NRG2: variants seen among roughly 807,000 people sequenced by gnomAD.
NRG2 encodes the protein pro-neuregulin-2, membrane-bound isoform.
NRG2 carries 27 observed loss-of-function variants against 73.9 expected under a neutral mutation model. The ratio of observed to expected loss-of-function variants is 0.37; its 90% confidence interval spans 0.27 to 0.50. The LOEUF (loss-of-function observed/expected upper bound fraction) is 0.50, where lower values mean the gene tolerates loss of function less well. Among genes scored for constraint, NRG2 ranks in the 20% least tolerant of loss-of-function variants. The pLI is 0.96. For missense variants in NRG2, 1,126 were observed against 1,210.1 expected (o/e 0.93, Z 1.03); for synonymous variants, 532 against 541.0 (o/e 0.98, Z 0.23).
intron 1 of NRG2, among the ~76,000 whole-genome samples, chr5:140,031,143 A>G (rs1291299156): frequency 6.6e-6 from 1 of 152,184 alleles, no homozygotes; most frequent in East Asian, 1.9e-4. Context: ...GGAATTTTAT[A>G]CCAAAAATTT....
intron 1 of NRG2, among the ~76,000 whole-genome samples, chr5:139,895,334 C>T (rs114355682): frequency 0.022 from 3,290 of 152,362 alleles, 122 homozygotes; most frequent in African/African-American, 0.074. Context: ...GGGATACAGG[C>T]ACACGAGTAG....
At chr5:139,871,640 C>G (rs371680825) in intron 4 of NRG2, 81 bp downstream of exon 4, 11 of 1,572,658 alleles carry the variant, frequency 7.0e-6, no homozygotes, top group African/African-American at 5.4e-5. Context: ...TTGGAACCCT[C>G]TTTTCCTAGA....
intron 1 of NRG2, among the ~76,000 whole-genome samples, chr5:139,950,485 C>A (rs1256554210): frequency 6.6e-6 from 1 of 152,188 alleles, no homozygotes; most frequent in African/African-American, 2.4e-5. Flanking sequence ...ATTTCCACTT[C>A]TTTAGGAAGG....
chr5:140,025,613 C>T (rs1301945776), intron 1 of NRG2, among the ~76,000 whole-genome samples: 2 of 152,248 alleles, frequency 1.3e-5, no homozygotes, highest in African/African-American at 2.4e-5. Flanking sequence ...AGAGATTTGG[C>T]TTTTTTTCTA....
intron 1 of NRG2, among the ~76,000 whole-genome samples, chr5:139,981,034 G>GC (rs2126560793): frequency 6.6e-6 from 1 of 152,294 alleles, no homozygotes; most frequent in East Asian, 1.9e-4. Context: ...GTTGGGAAAA[G>GC]CATCAACAGT....
intron 9 of NRG2, among the ~76,000 whole-genome samples, chr5:139,850,908 G>A (rs556824787): frequency 6.6e-6 from 1 of 151,826 alleles, no homozygotes; most frequent in South Asian, 2.1e-4. Flanking sequence ...CTCCTTCTTC[G>A]TGTCTCCTTC....
rs373575699 is a variant in NRG2 at position 139,851,625 on chromosome 5, C to T, written c.1751G>A (p.Arg584His). 13 of 1,614,024 alleles carry T rather than the reference C, an allele frequency of 8.1e-6. No individual in the cohort carries two copies. Among genetic ancestry groups the T allele is most frequent in the South Asian group, 3.3e-5 (3 of 91,072 alleles). Residue 584 changes from arginine to histidine, a missense_variant, in exon 9 of 10, where the codon CGC becomes CAC. This residue lies in a region of NRG2 where 539 missense variants were observed against 703.2 expected (regional missense o/e 0.77). Transcript: ENST00000361474. The surrounding 1 kb of genome is among the most constrained non-coding windows in gnomAD (Gnocchi z 4.2). ...PPYHDSVDSLRDSPHSERYVS... is the reference protein window; with the variant it reads ...PPYHDSVDSLHDSPHSERYVS... ...TGACCTCTCGCTGTGTGGGGAGTCG[C>T]GAAGGGAGTCCACGGAATCGTGATA...
At chr5:140,012,383 T>A (rs1191471827) in intron 1 of NRG2, among the ~76,000 whole-genome samples, 1 of 152,182 alleles carries the variant, frequency 6.6e-6, no homozygotes, top group Non-Finnish European at 1.5e-5. Flanking sequence ...CACACATCTG[T>A]CATTCACTAT....
intron 1 of NRG2, among the ~76,000 whole-genome samples, chr5:139,903,084 C>T (rs1256640290): frequency 6.6e-6 from 1 of 152,158 alleles, no homozygotes; most frequent in Non-Finnish European, 1.5e-5. Context: ...CACAGAAATT[C>T]AGGAAAGGAA....
At chr5:139,944,036 C>T (rs1185983587) in intron 1 of NRG2, among the ~76,000 whole-genome samples, 1 of 151,914 alleles carries the variant, frequency 6.6e-6, no homozygotes, top group Non-Finnish European at 1.5e-5. Context: ...CAACTATACT[C>T]ATTTGTAGTT....
At chr5:140,011,360 A>G (rs897450745) in intron 1 of NRG2, among the ~76,000 whole-genome samples, 1 of 152,214 alleles carries the variant, frequency 6.6e-6, no homozygotes, top group Non-Finnish European at 1.5e-5. Context: ...GATGGACTCC[A>G]GTGATCTTAT....
intron 2 of NRG2, among the ~76,000 whole-genome samples, chr5:139,885,273 G>A (rs1379192629): frequency 6.6e-6 from 1 of 152,208 alleles, no homozygotes; most frequent in Non-Finnish European, 1.5e-5. Context: ...AGCATTGATG[G>A]CAACTAAGAG....
intron 5 of NRG2, among the ~76,000 whole-genome samples, chr5:139,857,293 A>G (rs1300944851): frequency 6.6e-6 from 1 of 152,184 alleles, no homozygotes; most frequent in Non-Finnish European, 1.5e-5. Context: ...GATTTAACTC[A>G]GACTCAGACT....
intron 3 of NRG2, among the ~76,000 whole-genome samples, chr5:139,878,828 C>A (rs1475098041): frequency 6.6e-6 from 1 of 152,196 alleles, no homozygotes; most frequent in Non-Finnish European, 1.5e-5. Flanking sequence ...GGAGCTCAGA[C>A]ACCCTCCCTG....
At chr5:139,908,110 G>A (rs1245449787) in intron 1 of NRG2, among the ~76,000 whole-genome samples, 2 of 152,242 alleles carry the variant, frequency 1.3e-5, no homozygotes, top group East Asian at 3.8e-4. Flanking sequence ...TCCGGCCTTC[G>A]CCATTTTTCA....
intron 1 of NRG2, among the ~76,000 whole-genome samples, chr5:139,965,139 C>T: frequency 6.6e-6 from 1 of 152,226 alleles, no homozygotes; most frequent in Non-Finnish European, 1.5e-5. Flanking sequence ...TCCCACCTGG[C>T]TCCACGACAG....
chr5:139,980,101 C>A (rs564761320), intron 1 of NRG2, among the ~76,000 whole-genome samples: 1 of 152,144 alleles, frequency 6.6e-6, no homozygotes, highest in East Asian at 1.9e-4. Flanking sequence ...CTTATCACTG[C>A]CTCTTTCTTC....
At chr5:139,914,728 C>A (rs1364611192) in intron 1 of NRG2, among the ~76,000 whole-genome samples, 2 of 152,236 alleles carry the variant, frequency 1.3e-5, no homozygotes, top group Non-Finnish European at 2.9e-5. Flanking sequence ...GTCTTTGATT[C>A]ATTCCTGCCC....
intron 1 of NRG2, among the ~76,000 whole-genome samples, chr5:140,029,191 A>AT (rs1430670803): frequency 6.6e-6 from 1 of 152,220 alleles, no homozygotes; most frequent in Non-Finnish European, 1.5e-5. Flanking sequence ...GTGTTTTGCC[A>AT]TACCACAATC....
Sources: gnomAD v4.1 joint callset for allele counts (sites outside exome capture counted in the v4.1 genomes callset) on GRCh38, gnomAD v4.1.1 for gene constraint, gnomAD v4.1.1 regional missense constraint, Gnocchi (gnomAD v3.1) non-coding constraint, MANE v1.5 for transcripts, NCBI Gene and HGNC (gene_info 2026-07-23, HGNC 2026-07-21) for gene names.